PIK3CB: variants seen among roughly 807,000 people sequenced by gnomAD.
PIK3CB encodes the protein phosphatidylinositol-4,5-bisphosphate 3-kinase catalytic subunit beta.
Under a neutral mutation model 136.8 loss-of-function variants are expected in PIK3CB, and 39 were observed. The observed-to-expected ratio is 0.29, with a 90% CI of 0.22 to 0.37. The LOEUF is 0.37. Among genes scored for constraint, PIK3CB ranks in the 10% least tolerant of loss-of-function variants. PIK3CB has a pLI of 1.00. For missense variants in PIK3CB, 868 were observed against 1,275.4 expected (o/e 0.68, Z 4.87); for synonymous variants, 428 against 436.6 (o/e 0.98, Z 0.25).
intron 1 of PIK3CB, among the ~76,000 whole-genome samples, chr3:138,808,423 G>A (rs2046257374): frequency 6.6e-6 from 1 of 152,144 alleles, no homozygotes; most frequent in South Asian, 2.1e-4. Context: ...TTGAGCCCAG[G>A]AGTTCAAGAC....
Position 138,749,912 on chromosome 3 carries a change from C to T in PIK3CB, c.397+5842G>A, listed in dbSNP as rs538062009. 3.3e-5 allele frequency among the ~76,000 whole-genome samples: 5 copies of T among 152,274 alleles called. No individual in the cohort carries two copies. In the East Asian group the frequency reaches 9.7e-4, roughly 29 times the overall value. On this transcript the variant is annotated intron_variant, in intron 4 of 23. Coordinates refer to ENST00000674063, the MANE Select transcript of PIK3CB (RefSeq NM_006219.3). ...TGTTTGAGACAGGGTCTCACTCTGT[C>T]GCCCAGGCTGGAGTGCAGTGGCATG...
intron 1 of PIK3CB, among the ~76,000 whole-genome samples, chr3:138,811,628 G>C (rs368313843): frequency 6.6e-6 from 1 of 152,022 alleles, no homozygotes; most frequent in Non-Finnish European, 1.5e-5. Flanking sequence ...GTCTCACCGT[G>C]TTAGCCAGGA....
intron 2 of PIK3CB, among the ~76,000 whole-genome samples, chr3:138,772,280 A>G (rs1277735813): frequency 6.6e-6 from 1 of 152,160 alleles, no homozygotes; most frequent in Non-Finnish European, 1.5e-5. Flanking sequence ...AGACACTCAT[A>G]CAGTTCAAAA....
chr3:138,757,346 G>A (rs1254830559), intron 3 of PIK3CB, among the ~76,000 whole-genome samples: 1 of 151,948 alleles, frequency 6.6e-6, no homozygotes, highest in African/African-American at 2.4e-5. Context: ...GGAGGTTGCA[G>A]TAAGCCAAGG....
chr3:138,804,950 G>A (rs371408596), intron 1 of PIK3CB, among the ~76,000 whole-genome samples: 3 of 152,202 alleles, frequency 2.0e-5, no homozygotes, highest in East Asian at 1.9e-4. Flanking sequence ...GCATGAACCC[G>A]GGAGGCGGAG....
Position 138,665,047 on chromosome 3 carries a change from T to C in PIK3CB, c.2661A>G (p.Glu887=). 13 of 1,603,236 alleles carry C rather than the reference T, an allele frequency of 8.1e-6. No homozygotes were observed. Among genetic ancestry groups the C allele is most frequent in the Non-Finnish European group, 1.1e-5 (13 of 1,173,326 alleles). The part of the protein sequence containing the change: ...NKDALLNWLK[E]YNSGDDLDRA... The stretch of plus-strand genomic sequence containing the variant: ...CAGAATAAACTAACCCAGAGTTGTA[T>C]TCTTTAAGCCAGTTCAGAAGGGCAT... Residue 887 remains glutamate (E), a synonymous_variant, in exon 20 of 24, where the codon GAA becomes GAG. Transcript: ENST00000674063.
At chr3:138,779,875 C>A (rs2045904348) in intron 2 of PIK3CB, among the ~76,000 whole-genome samples, 1 of 152,030 alleles carries the variant, frequency 6.6e-6, no homozygotes, top group Non-Finnish European at 1.5e-5. Context: ...ATACAGATAA[C>A]TTTAGTATAT....
intron 8 of PIK3CB, among the ~76,000 whole-genome samples, chr3:138,717,796 T>C (rs2044644097): frequency 6.6e-6 from 1 of 152,248 alleles, no homozygotes; most frequent in Non-Finnish European, 1.5e-5. Flanking sequence ...CATTTGGTTT[T>C]CTATTTCTGC....
intron 1 of PIK3CB, among the ~76,000 whole-genome samples, chr3:138,819,126 T>C (rs1231610924): frequency 6.6e-6 from 1 of 151,968 alleles, no homozygotes; most frequent in African/African-American, 2.4e-5. Context: ...AGGTGGGTGG[T>C]TCACAAGGTC....
At chr3:138,780,558 T>C (rs966716269) in intron 2 of PIK3CB, among the ~76,000 whole-genome samples, 3 of 152,222 alleles carry the variant, frequency 2.0e-5, no homozygotes, top group Non-Finnish European at 2.9e-5. Context: ...TGTGAGCCAC[T>C]GTGCCCAGCC....
intron 1 of PIK3CB, among the ~76,000 whole-genome samples, chr3:138,829,684 G>C (rs529573898): frequency 6.6e-5 from 10 of 152,210 alleles, no homozygotes; most frequent in African/African-American, 2.4e-4. Flanking sequence ...CTACTTCGGA[G>C]GCTAAAACAG....
intron 8 of PIK3CB, among the ~76,000 whole-genome samples, chr3:138,721,616 A>G (rs75917626): frequency 2.6e-5 from 4 of 152,356 alleles, no homozygotes; most frequent in East Asian, 1.9e-4. Flanking sequence ...AAATATGCAT[A>G]CAGAATTTCC....
intron 8 of PIK3CB, among the ~76,000 whole-genome samples, chr3:138,719,037 A>G (rs1157164002): frequency 6.6e-6 from 1 of 152,144 alleles, no homozygotes; most frequent in Non-Finnish European, 1.5e-5. Context: ...TCTCTGAACT[A>G]CTTTAAATGG....
chr3:138,763,813 C>T (rs918369442), intron 2 of PIK3CB, among the ~76,000 whole-genome samples: 7 of 152,096 alleles, frequency 4.6e-5, no homozygotes, highest in African/African-American at 1.7e-4. Context: ...AAGGTAGATA[C>T]AAAAATTTCT....
At chr3:138,684,208 C>T (rs1381722707) in intron 17 of PIK3CB, among the ~76,000 whole-genome samples, 1 of 152,050 alleles carries the variant, frequency 6.6e-6, no homozygotes, top group Non-Finnish European at 1.5e-5. Flanking sequence ...CTATTATTTT[C>T]CATTATTACT....
chr3:138,809,065 G>C (rs1254514402), intron 1 of PIK3CB, among the ~76,000 whole-genome samples: 1 of 151,912 alleles, frequency 6.6e-6, no homozygotes, highest in East Asian at 1.9e-4. Flanking sequence ...TCTGGAGTCA[G>C]GAGTTCAAGA....
intron 16 of PIK3CB, among the ~76,000 whole-genome samples, chr3:138,685,420 A>AAAAAAAAAAAAAAAAAAAAAAAAAGAAAG (rs2043866681): frequency 8.0e-5 from 7 of 86,976 alleles, no homozygotes; most frequent in Admixed American, 1.8e-4. Flanking sequence ...AAAAAAAAAA[A>AAAAAAAAAAAAAAAAAAAAAAAAAGAAAG]AAAGAAAGAA....
At chr3:138,816,165 T>A (rs1245672190) in intron 1 of PIK3CB, among the ~76,000 whole-genome samples, 1 of 151,766 alleles carries the variant, frequency 6.6e-6, no homozygotes, top group African/African-American at 2.4e-5. Context: ...TAGCCAGGCA[T>A]AGTGGCGCAT....
At chr3:138,681,009 C>G (rs1358098942) in intron 19 of PIK3CB, among the ~76,000 whole-genome samples, 1 of 148,540 alleles carries the variant, frequency 6.7e-6, no homozygotes, top group Non-Finnish European at 1.5e-5. Flanking sequence ...ATAATCTGTA[C>G]TTCTTAATTG....
Sources: allele counts gnomAD v4.1 joint callset (sites outside exome capture counted in the v4.1 genomes callset), GRCh38; gene constraint gnomAD v4.1.1; transcripts MANE v1.5; gene names NCBI Gene and HGNC (gene_info 2026-07-23, HGNC 2026-07-21).